PLCH2: variants seen among roughly 807,000 people sequenced by gnomAD.
PLCH2 encodes 1-phosphatidylinositol 4,5-bisphosphate phosphodiesterase eta-2.
A neutral mutation model predicts 134.7 loss-of-function variants in PLCH2; 98 were observed. That is an observed-to-expected ratio of 0.73 (90% confidence interval 0.62 to 0.86). The LOEUF is 0.86. Among genes scored for constraint, PLCH2 ranks in the 40% least tolerant of loss-of-function variants. The pLI, the probability that PLCH2 is intolerant of heterozygous loss-of-function variation, is 0.00. For synonymous variants in PLCH2, 974 were observed against 827.5 expected (o/e 1.18, Z -3.04); for missense variants, 1,994 against 1,986.6 (o/e 1.00, Z -0.07).
intron 1 of PLCH2, among the ~76,000 whole-genome samples, chr1:2,467,913 C>A (rs1351841777): frequency 6.6e-6 from 1 of 152,224 alleles, no homozygotes; most frequent in Non-Finnish European, 1.5e-5. Flanking sequence ...GCGCCCCCAC[C>A]CTGCCTCATC....
Position 2,498,617 on chromosome 1 carries a change from G to T in PLCH2, c.2319G>T (p.Pro773=). 2 of 1,585,754 alleles carry T rather than the reference G, an allele frequency of 1.3e-6. No homozygotes were observed. The highest frequency in any genetic ancestry group is 1.1e-5 in the South Asian group (1 of 87,252). ...RIISGQQLPK[P]RDSMLGDRGE... ...TCAGTGGCCAGCAGCTTCCCAAGCCGCGCGACTCCATGCTGGGGGACCGTG... is the reference window on the plus strand; with the variant it reads ...TCAGTGGCCAGCAGCTTCCCAAGCCTCGCGACTCCATGCTGGGGGACCGTG... Residue 773 remains proline, a synonymous_variant, in exon 17 of 22, where the codon CCG becomes CCT. Transcript: ENST00000378486. The surrounding 1 kb of genome is among the most constrained non-coding windows in gnomAD (Gnocchi z 5.4).
At chr1:2,465,239 A>G (rs1557976847), upstream of PLCH2, among the ~76,000 whole-genome samples, 4 of 152,210 alleles carry the variant, frequency 2.6e-5, no homozygotes. Flanking sequence ...GCCAGGGCTC[A>G]CAGCCAAATC....
At chr1:2,470,329 C>CAGG (rs1641265471) in intron 1 of PLCH2, among the ~76,000 whole-genome samples, 1 of 152,218 alleles carries the variant, frequency 6.6e-6, no homozygotes, top group Non-Finnish European at 1.5e-5. Context: ...TCCCAAAAGG[C>CAGG]AGGAGTGGGA....
intron 2 of PLCH2, among the ~76,000 whole-genome samples, chr1:2,433,414 C>T (rs1639164763): frequency 6.6e-6 from 1 of 152,236 alleles, no homozygotes; most frequent in Admixed American, 6.5e-5. Flanking sequence ...CGGTGTGCTC[C>T]TGTCCCCTGG....
At chr1:2,464,816 C>T (rs1640980705), upstream of PLCH2, among the ~76,000 whole-genome samples, 1 of 152,224 alleles carries the variant, frequency 6.6e-6, no homozygotes, top group Non-Finnish European at 1.5e-5. Flanking sequence ...ACTGCGGACT[C>T]TGGGGTGGGC....
rs1558027374 is a variant in PLCH2, at chr1:2,497,022, C to G, written c.2116+12C>G. On this transcript the variant is annotated intron_variant, in intron 15 of 21. Coordinates refer to ENST00000378486, the MANE Select transcript of PLCH2 (RefSeq NM_014638.4). ...CGGCTGCCAAATGGGTGGGTGCGGG[C>G]ATGGTGCGCTGGGTGTGGTGGGGAG... 6.2e-7 allele frequency: 1 copy of G among 1,609,804 alleles called. No individual in the cohort carries two copies. Among genetic ancestry groups the G allele is most frequent in the Non-Finnish European group, 8.5e-7 (1 of 1,178,238 alleles).
rs986938613 is a variant in PLCH2, at chr1:2,476,471, G to A, written c.-118G>A. ...CCCTGAGGAGGAGGAGGAAGAGGCAGAGGAGAGAAGGCCCCACGGAGGTCC... is the reference window on the plus strand; with the variant it reads ...CCCTGAGGAGGAGGAGGAAGAGGCAAAGGAGAGAAGGCCCCACGGAGGTCC... On this transcript the variant is annotated 5_prime_UTR_variant, in exon 1 of 22. Coordinates refer to ENST00000378486, the MANE Select transcript of PLCH2 (RefSeq NM_014638.4). The A allele has an allele frequency of 7.2e-6, 7 of 977,502 alleles. No individual in the cohort carries two copies. The highest frequency in any genetic ancestry group is 6.6e-5 in the African/African-American group (4 of 60,552). The allele number at this position is 977,502 out of a possible 1,614,324, so 60.6% of individuals were successfully genotyped here.
chr1:2,487,747 C>A (rs1558011323), intron 8 of PLCH2, 29 bp downstream of exon 8: 2 of 1,606,808 alleles, frequency 1.2e-6, no homozygotes, highest in Admixed American at 3.4e-5. Context: ...CGGGGCTGGC[C>A]CCAGAGGTGG....
At chr1:2,454,989 C>T (rs1349556061) in intron 2 of PLCH2, among the ~76,000 whole-genome samples, 1 of 152,134 alleles carries the variant, frequency 6.6e-6, no homozygotes, top group Non-Finnish European at 1.5e-5. Flanking sequence ...AGGCCTCGGC[C>T]CCCCATGTGG....
intron 10 of PLCH2, 56 bp downstream of exon 10, chr1:2,489,923 G>A (rs1642478991): frequency 3.2e-6 from 4 of 1,261,490 alleles, no homozygotes; most frequent in Non-Finnish European, 4.7e-6. Context: ...CCCAAGAACA[G>A]CTGTCCGTCC....
chr1:2,425,123 A>C (rs1000837447), upstream of PLCH2, among the ~76,000 whole-genome samples: 6 of 144,514 alleles, frequency 4.2e-5, no homozygotes, highest in Non-Finnish European at 8.9e-5. Flanking sequence ...AGATCGCGCC[A>C]CCGCACTCCA....
chr1:2,497,444 G>A (rs926325058), intron 15 of PLCH2, 58 bp from the exon 16 acceptor site: 129 of 1,235,344 alleles, frequency 1.0e-4, no homozygotes, highest in Non-Finnish European at 1.1e-4. Context: ...GTGGGTGGGC[G>A]GGGCACACAC....
At position 2,499,681 on chromosome 1, in the gene PLCH2, C is replaced by T. The variant is rs1206049557; in HGVS notation, c.2622C>T (p.Ser874=). The change falls in exon 20 of 22, where the codon TCC becomes TCT. Residue 874 remains serine, a synonymous_variant. Coordinates refer to ENST00000378486, the MANE Select transcript of PLCH2 (RefSeq NM_014638.4). The stretch of plus-strand genomic sequence containing the variant: ...ACCTAGAAGGGATGGAAGAGGCCTC[C>T]ATCTTCGTGCATGTGGCTGTCAGTG... ...HVYLEGMEEA[S]IFVHVAVSDI... 4 of 1,599,206 alleles carry T rather than the reference C, an allele frequency of 2.5e-6. No homozygotes were observed. Among genetic ancestry groups the T allele is most frequent in the Non-Finnish European group, 3.4e-6 (4 of 1,173,438 alleles).
intron 4 of PLCH2, among the ~76,000 whole-genome samples, chr1:2,480,929 G>C (rs1641930892): frequency 6.6e-6 from 1 of 152,248 alleles, no homozygotes; most frequent in South Asian, 2.1e-4. Flanking sequence ...CCAGGCCCTG[G>C]GGCCTTGCTG....
chr1:2,442,339 C>T (rs894862774), intron 2 of PLCH2, among the ~76,000 whole-genome samples: 6 of 152,172 alleles, frequency 3.9e-5, no homozygotes, highest in African/African-American at 9.7e-5. Flanking sequence ...TCAGCCACTA[C>T]GCCAGGGCCA....
chr1:2,457,432 T>C (rs375439882), intron 2 of PLCH2, among the ~76,000 whole-genome samples: 67 of 152,286 alleles, frequency 4.4e-4, no homozygotes, highest in African/African-American at 1.5e-3. Context: ...TGCCTCAGCT[T>C]CCTGCCACTG....
In PLCH2 at chr1:2,504,244, G is replaced by A; in HGVS notation, c.3282G>A (p.Val1094=). The A allele has an allele frequency of 6.3e-7, 1 of 1,585,070 alleles. No individual in the cohort carries two copies. The change falls in exon 22 of 22, where the codon GTG becomes GTA. Residue 1094 remains valine, a synonymous_variant. Transcript: ENST00000378486. The part of the protein sequence containing the change: ...TLGHLPVIRR[V]KSEGQVPTEP... ...GCCACCTGCCCGTGATTAGAAGGGT[G>A]AAGAGTGAGGGGCAGGTGCCCACGG...
rs190041674 is a variant in PLCH2, at chr1:2,476,582, T to C, written c.-7T>C. ...CTCCGTGAAGCAGGCCCGGCTGTCG[T>C]CAGGCCATGTCTGGTCCATGGCCCT... On this transcript the variant is annotated 5_prime_UTR_variant, in exon 1 of 22. Transcript: ENST00000378486. 35 of 1,523,094 alleles carry C rather than the reference T, an allele frequency of 2.3e-5. No individual in the cohort carries two copies. The highest frequency in any genetic ancestry group is 2.4e-5 in the Non-Finnish European group (27 of 1,143,196). 94.3% of individuals were successfully genotyped at this position (1,523,094 alleles called of 1,614,324 possible). A position where few individuals can be genotyped will look rare whatever the true frequency, so the allele number is the denominator to read the frequency against.
chr1:2,479,582 G>T (rs563617427), intron 2 of PLCH2, 152 bp from the exon 3 acceptor site: 179 of 691,812 alleles, frequency 2.6e-4, no homozygotes, highest in Admixed American at 8.9e-4. Context: ...CTTCACCCTT[G>T]GTTCTTGAAC....
Sources: gnomAD v4.1 joint callset for allele counts (sites outside exome capture counted in the v4.1 genomes callset) on GRCh38, gnomAD v4.1.1 for gene constraint, Gnocchi (gnomAD v3.1) non-coding constraint, MANE v1.5 for transcripts, NCBI Gene and HGNC (gene_info 2026-07-23, HGNC 2026-07-21) for gene names.